Variants in NIN observed in about 807,000 individuals in gnomAD.
NIN encodes the protein glycogen synthase kinase 3 beta-interacting protein.
A neutral mutation model predicts 257.6 loss-of-function variants in NIN; 137 were observed. The observed-to-expected ratio is 0.53, with a 90% CI of 0.46 to 0.61. The LOEUF (loss-of-function observed/expected upper bound fraction) is 0.61. NIN is among the 20% of genes least tolerant of loss of function. The probability of loss-of-function intolerance (pLI) is 0.00; values close to 1 mark genes in which losing one functional copy is unlikely to be tolerated. For missense variants in NIN, 2,439 were observed against 2,501.2 expected (o/e 0.98, Z 0.53); for synonymous variants, 918 against 919.8 (o/e 1.00, Z 0.04).
chr14:50,739,515 T>A, intron 25 of NIN, 28 bp from the exon 26 acceptor site: 1 of 1,604,832 alleles, frequency 6.2e-7, no homozygotes, highest in South Asian at 1.1e-5. Flanking sequence ...GTGTAAGCCT[T>A]AAAAACAAGC....
At chr14:50,731,772 G>A (rs1209173718) in intron 28 of NIN, among the ~76,000 whole-genome samples, 1 of 152,194 alleles carries the variant, frequency 6.6e-6, no homozygotes, top group Admixed American at 6.5e-5. Flanking sequence ...GTTGCAGTGA[G>A]CTGAAATCGC....
intron 12 of NIN, among the ~76,000 whole-genome samples, chr14:50,767,546 A>G (rs771502395): frequency 4.6e-5 from 7 of 152,224 alleles, no homozygotes; most frequent in African/African-American, 9.7e-5. Context: ...GGCCAGGCAT[A>G]GTGGCTCACG....
intron 4 of NIN, among the ~76,000 whole-genome samples, chr14:50,793,462 T>G (rs1448212945): frequency 6.6e-6 from 1 of 152,038 alleles, no homozygotes; most frequent in Non-Finnish European, 1.5e-5. Context: ...GTTACGTATA[T>G]GAAACCCGGC....
chr14:50,728,956 G>A (rs1046301699), intron 29 of NIN, among the ~76,000 whole-genome samples: 11 of 152,250 alleles, frequency 7.2e-5, no homozygotes, highest in African/African-American at 2.7e-4. Context: ...TTCATGGGAT[G>A]CAGCAGGCTG....
chr14:50,760,613 A>G (rs981851308), intron 16 of NIN, among the ~76,000 whole-genome samples: 3 of 152,132 alleles, frequency 2.0e-5, no homozygotes, highest in African/African-American at 7.2e-5. Flanking sequence ...CTGAGCAGCC[A>G]TTACACATAG....
intron 4 of NIN, among the ~76,000 whole-genome samples, chr14:50,805,044 A>G (rs1192691632): frequency 6.6e-6 from 1 of 152,200 alleles, no homozygotes; most frequent in Admixed American, 6.5e-5. Flanking sequence ...GGTGACAGTG[A>G]CAGTACAGGT....
At chr14:50,743,607 C>T in intron 23 of NIN, 78 bp from the exon 24 acceptor site, 1 of 803,324 alleles carries the variant, frequency 1.2e-6, no homozygotes. Context: ...CCTGCACTTA[C>T]ATTGTCAAGA....
At chr14:50,804,949 G>A (rs1284136048) in intron 4 of NIN, among the ~76,000 whole-genome samples, 5 of 152,264 alleles carry the variant, frequency 3.3e-5, no homozygotes, top group Middle Eastern at 6.8e-3. Context: ...CCTACTGCTC[G>A]GATCCCAACA....
intron 5 of NIN, among the ~76,000 whole-genome samples, chr14:50,785,287 G>T (rs958211113): frequency 1.3e-5 from 2 of 152,222 alleles, no homozygotes; most frequent in Non-Finnish European, 2.9e-5. Context: ...TGTGGTCCTG[G>T]TGTGGCCCCT....
At chr14:50,809,489 G>A (rs73299314) in intron 3 of NIN, among the ~76,000 whole-genome samples, 3,581 of 152,226 alleles carry the variant, frequency 0.024, 170 homozygotes, top group African/African-American at 0.082. Flanking sequence ...CCTTGCTAGA[G>A]TTACAAGTTG....
intron 20 of NIN, among the ~76,000 whole-genome samples, chr14:50,754,050 C>T (rs1283541834): frequency 6.6e-6 from 1 of 152,212 alleles, no homozygotes; most frequent in Non-Finnish European, 1.5e-5. Context: ...CTGCTTCAGA[C>T]AGATTCTTAA....
chr14:50,734,362 G>A (rs2040871082), intron 28 of NIN, among the ~76,000 whole-genome samples: 1 of 152,106 alleles, frequency 6.6e-6, no homozygotes, highest in Non-Finnish European at 1.5e-5. Flanking sequence ...AAAGTGCTGG[G>A]ATTACAGGGG....
chr14:50,768,252 AT>A (rs2042588302), intron 12 of NIN, among the ~76,000 whole-genome samples: 1 of 152,182 alleles, frequency 6.6e-6, no homozygotes, highest in Non-Finnish European at 1.5e-5. Context: ...TAAAAAAAAA[AT>A]GTACTTAGAG....
intron 12 of NIN, among the ~76,000 whole-genome samples, chr14:50,767,816 C>CA (rs755570611): frequency 1.8e-3 from 123 of 66,764 alleles, no homozygotes; most frequent in Admixed American, 2.3e-3. Flanking sequence ...GACTCCATCT[C>CA]AAAAAAAAAA....
At position 50,741,563 on chromosome 14, in the gene NIN, T is replaced by C. The variant is rs773177167; in HGVS notation, c.5448+19A>G. 1 of 1,609,694 alleles carries C rather than the reference T, an allele frequency of 6.2e-7. No individual in the cohort carries two copies. Among genetic ancestry groups the C allele is most frequent in the Non-Finnish European group, 8.5e-7 (1 of 1,178,128 alleles). On this transcript the variant is annotated intron_variant, in intron 25 of 30. Coordinates refer to ENST00000530997, the MANE Select transcript of NIN (RefSeq NM_020921.4). ...TTACTGTAAATAACTTATACCTAAA[T>C]AAAAAAAGAACAAATCACCTTGCCA...
chr14:50,758,709 G>A (rs2042148168), intron 17 of NIN, 79 bp from the exon 18 acceptor site: 1 of 1,345,926 alleles, frequency 7.4e-7, no homozygotes, highest in African/African-American at 1.5e-5. Flanking sequence ...CCCATGCACT[G>A]AGAAAGCTGC....
At chr14:50,785,988 G>A (rs2043331303) in intron 5 of NIN, among the ~76,000 whole-genome samples, 2 of 152,216 alleles carry the variant, frequency 1.3e-5, no homozygotes, top group South Asian at 4.1e-4. Context: ...AGGCAATTAA[G>A]TGCTACAAGT....
intron 5 of NIN, among the ~76,000 whole-genome samples, chr14:50,789,747 T>C: frequency 6.6e-6 from 1 of 152,238 alleles, no homozygotes; most frequent in East Asian, 1.9e-4. Context: ...CTAAGAGACC[T>C]GCACAGCTTC....
At chr14:50,781,734 C>T (rs1595858608) in intron 5 of NIN, among the ~76,000 whole-genome samples, 2 of 152,314 alleles carry the variant, frequency 1.3e-5, no homozygotes, top group Non-Finnish European at 2.9e-5. Flanking sequence ...AAAATGGGAA[C>T]AAGGTAGTGC....
Sources: gnomAD v4.1 joint callset for allele counts (sites outside exome capture counted in the v4.1 genomes callset) on GRCh38, gnomAD v4.1.1 for gene constraint, MANE v1.5 for transcripts, NCBI Gene and HGNC (gene_info 2026-07-23, HGNC 2026-07-21) for gene names.